Variants in CCR9 observed in about 807,000 individuals in gnomAD.
The protein encoded by CCR9 is C-C motif chemokine receptor 9.
In CCR9, 4 loss-of-function variants were observed where a neutral mutation model predicts 8.7. That is an observed-to-expected ratio of 0.46 (90% CI 0.23 to 1.06). The LOEUF (loss-of-function observed/expected upper bound fraction) is 1.06, where lower values mean the gene tolerates loss of function less well. CCR9 is among the 50% of genes least tolerant of loss of function. The probability of loss-of-function intolerance (pLI) is 0.21; values close to 1 mark genes in which losing one functional copy is unlikely to be tolerated. For missense variants in CCR9, 394 were observed against 453.6 expected, an observed-to-expected ratio of 0.87 and a Z score of 1.19; for synonymous variants, 159 against 168.8, an observed-to-expected ratio of 0.94 and a Z score of 0.45.
intron 2 of CCR9, among the ~76,000 whole-genome samples, chr3:45,895,491 A>G (rs1575299828): frequency 2.0e-5 from 3 of 152,180 alleles, no homozygotes; most frequent in Non-Finnish European, 4.4e-5. Context: ...CGGGCGGATC[A>G]CCTGGCCAAG....
chr3:45,886,402 T>C (rs1701982175), upstream of CCR9: 2 of 152,392 alleles, frequency 1.3e-5, no homozygotes, highest in South Asian at 2.1e-4. Flanking sequence ...TTTTTGTTTC[T>C]GGTTGCAAAT....
At chr3:45,890,306 T>TAAATAAC (rs1702122094) in intron 1 of CCR9, among the ~76,000 whole-genome samples, 1 of 15,466 alleles carries the variant, frequency 6.5e-5, no homozygotes. Flanking sequence ...ATATATAACA[T>TAAATAAC]ATATATATAT....
chr3:45,901,698 A>G lies in CCR9; in HGVS notation c.910A>G (p.Thr304Ala). 2 of 1,614,046 alleles carry G rather than the reference A, an allele frequency of 1.2e-6. No homozygotes were observed. The highest frequency in any genetic ancestry group is 1.7e-6 in the Non-Finnish European group (2 of 1,179,952). ...NIDICFQVTQ[T>A]IAFFHSCLNP... ...TGACATCTGCTTCCAGGTCACCCAG[A>G]CCATCGCCTTCTTCCACAGTTGCCT... is the stretch of plus-strand genomic sequence containing the variant. Residue 304 changes from threonine to alanine, a missense_variant, in exon 3 of 3, where the codon ACC becomes GCC. By Grantham distance (58) the Thr-to-Ala change is moderately conservative (BLOSUM62 0). Transcript: ENST00000357632. The surrounding 1 kb of genome is among the most constrained non-coding windows in gnomAD (Gnocchi z 4.3).
upstream of CCR9, among the ~76,000 whole-genome samples, chr3:45,886,232 G>A (rs1701977034): frequency 6.6e-6 from 1 of 152,070 alleles, no homozygotes; most frequent in Non-Finnish European, 1.5e-5. Flanking sequence ...GTGCACCTCT[G>A]GCAAGCCTGA....
intron 2 of CCR9, 86 bp downstream of exon 2, chr3:45,895,040 G>C: frequency 7.4e-7 from 1 of 1,351,780 alleles, no homozygotes; most frequent in Admixed American, 1.7e-5. Flanking sequence ...CACTGTGGGG[G>C]AAGGATTTAT....
At position 45,901,215 on chromosome 3, in the gene CCR9, G is replaced by C. The variant is rs1702544054; in HGVS notation, c.427G>C (p.Asp143His). 6.2e-7 allele frequency: 1 copy of C among 1,614,176 alleles called. No homozygotes were observed. Among genetic ancestry groups the C allele is most frequent in the Non-Finnish European group, 8.5e-7 (1 of 1,180,002 alleles). Residue 143 changes from aspartate to histidine, a missense_variant, in exon 3 of 3, where the codon GAC becomes CAC. Asp to His is a moderately conservative substitution (Grantham distance 81). Transcript: ENST00000357632. This position sits in a 1 kb window ranked among gnomAD's most constrained non-coding sequence, Gnocchi z 4.3. ...GTTGCTGATCATGTGCATCAGCGTG[G>C]ACAGGTACATTGCCATTGCCCAGGC... ...CVLLIMCISV[D>H]RYIAIAQAMR...
rs201821394 is a variant in CCR9, at chr3:45,894,959, G to A, written c.21+5G>A. ...ATGACACCCACAGACTTCACAGTGA[G>A]TACAGCCGTGCTCCTCTGGCTCCTC... On this transcript the variant is annotated splice_donor_5th_base_variant and intron_variant, in intron 2 of 2. Coordinates refer to ENST00000357632, the MANE Select transcript of CCR9 (RefSeq NM_031200.3). 1.9e-6 allele frequency: 3 copies of A among 1,613,794 alleles called. No individual in the cohort carries two copies. The highest frequency in any genetic ancestry group is 2.7e-5 in the African/African-American group (2 of 74,904).
rs541026030 is a variant in CCR9, at chr3:45,893,892, A to G, written c.-28-1014A>G. Among the ~76,000 whole-genome samples the G allele has an allele frequency of 1.1e-4, 16 of 152,342 alleles. 1 individual carries two copies. In the South Asian group the frequency reaches 3.3e-3, roughly 32 times the overall value. ...GTTTTCCAAAGTGGTTTTACCACAC[A>G]TTATGCATTGGAAACCACTGTACTT... On this transcript the variant is annotated intron_variant, in intron 1 of 2. Coordinates refer to ENST00000357632, the MANE Select transcript of CCR9 (RefSeq NM_031200.3).
At chr3:45,899,936 T>C (rs1702492900) in intron 2 of CCR9, among the ~76,000 whole-genome samples, 1 of 152,200 alleles carries the variant, frequency 6.6e-6, no homozygotes, top group African/African-American at 2.4e-5. Context: ...TGTATGCGCA[T>C]ATATGTGTGT....
chr3:45,887,823 G>C (rs938685276), intron 1 of CCR9, among the ~76,000 whole-genome samples: 3 of 152,234 alleles, frequency 2.0e-5, no homozygotes, highest in Non-Finnish European at 2.9e-5. Context: ...CATGGTGAGT[G>C]GATGGATCTG....
At position 45,900,673 on chromosome 3, in the gene CCR9, C is replaced by A; in HGVS notation, c.22-137C>A. 2.6e-6 allele frequency: 2 copies of A among 777,398 alleles called. No individual in the cohort carries two copies. The highest frequency in any genetic ancestry group is 4.2e-6 in the Non-Finnish European group (2 of 477,016). 48.2% of individuals were successfully genotyped at this position (777,398 alleles called of 1,614,324 possible). A position where few individuals can be genotyped will look rare whatever the true frequency, so the allele number is the denominator to read the frequency against. ...AATATGTCACAACCCAAGCAGATGT[C>A]CTCAGAATGCCTATGTGTCTTTGGC... On this transcript the variant is annotated intron_variant, in intron 2 of 2. Transcript: ENST00000357632. The surrounding 1 kb of genome is among the most constrained non-coding windows in gnomAD (Gnocchi z 4.7).
chr3:45,893,803 T>C (rs930935974), intron 1 of CCR9, among the ~76,000 whole-genome samples: 1 of 152,230 alleles, frequency 6.6e-6, no homozygotes, highest in Non-Finnish European at 1.5e-5. Context: ...CTTGGGTGAA[T>C]ACTTAGGAGT....
Position 45,894,892 on chromosome 3 carries a change from T to G in CCR9, c.-28-14T>G, listed in dbSNP as rs768637042. 1 of 1,610,208 alleles carries G rather than the reference T, an allele frequency of 6.2e-7. No homozygotes were observed. Among genetic ancestry groups the G allele is most frequent in the Admixed American group, 1.7e-5 (1 of 60,022 alleles). On this transcript the variant is annotated splice_polypyrimidine_tract_variant and intron_variant, in intron 1 of 2. Coordinates refer to ENST00000357632, the MANE Select transcript of CCR9 (RefSeq NM_031200.3). ...ACAAGCCAGTCCACTTTTTGATTTT[T>G]GTCCCTTTTCCAGGAGCAGGCTTGC... is the stretch of plus-strand genomic sequence containing the variant.
At chr3:45,896,275 T>C (rs926002558) in intron 2 of CCR9, among the ~76,000 whole-genome samples, 7 of 152,232 alleles carry the variant, frequency 4.6e-5, no homozygotes, top group African/African-American at 1.4e-4. Flanking sequence ...ATTTGGGATC[T>C]TGGATAATAG....
intron 1 of CCR9, among the ~76,000 whole-genome samples, chr3:45,893,465 C>T (rs990717714): frequency 1.3e-5 from 2 of 151,306 alleles, no homozygotes; most frequent in Admixed American, 6.6e-5. Flanking sequence ...ACCTCCCCTT[C>T]TCTCTCTCTC....
chr3:45,897,762 C>A, intron 2 of CCR9: 1 of 606,936 alleles, frequency 1.6e-6, no homozygotes, highest in Non-Finnish European at 2.9e-6. Context: ...TTGCCTTCTT[C>A]TTTCTTCCTT....
chr3:45,895,194 T>A, intron 2 of CCR9: 4 of 552,208 alleles, frequency 7.2e-6, no homozygotes, highest in Non-Finnish European at 1.3e-5. Context: ...TGTGGTGTTA[T>A]AAACAGCTAA....
At chr3:45,898,514 T>G (rs958361486) in intron 2 of CCR9, among the ~76,000 whole-genome samples, 1 of 152,268 alleles carries the variant, frequency 6.6e-6, no homozygotes, top group Non-Finnish European at 1.5e-5. Context: ...CATTTCCAGC[T>G]GCCCTGGCCT....
At chr3:45,887,315 C>T (rs1338812102) in intron 1 of CCR9, among the ~76,000 whole-genome samples, 30 of 151,906 alleles carry the variant, frequency 2.0e-4, no homozygotes, top group Non-Finnish European at 2.8e-4. Context: ...GGAAGTATCT[C>T]AGAAACTTAA....
Sources: gnomAD v4.1 joint callset for allele counts (sites outside exome capture counted in the v4.1 genomes callset) on GRCh38, gnomAD v4.1.1 for gene constraint, Gnocchi (gnomAD v3.1) non-coding constraint, MANE v1.5 for transcripts, NCBI Gene and HGNC (gene_info 2026-07-23, HGNC 2026-07-21) for gene names.